The following EPB41L2 variants were observed in gnomAD, a reference collection of about 807,000 sequenced individuals.
The protein encoded by EPB41L2 is erythrocyte membrane protein band 4.1 like 2.
A neutral mutation model predicts 113.0 loss-of-function variants in EPB41L2; 43 were observed. The ratio of observed to expected loss-of-function variants is 0.38; its 90% CI spans 0.30 to 0.49. EPB41L2 has a LOEUF of 0.49. EPB41L2 is among the 20% of genes least tolerant of loss of function. EPB41L2 has a pLI of 0.95. For synonymous variants in EPB41L2, 442 were observed against 436.7 expected (o/e 1.01, Z -0.15); for missense variants, 1,147 against 1,223.4 (o/e 0.94, Z 0.93).
intron 1 of EPB41L2, among the ~76,000 whole-genome samples, chr6:130,982,076 A>G (rs1357629098): frequency 1.3e-5 from 2 of 151,724 alleles, no homozygotes; most frequent in African/African-American, 2.4e-5. Flanking sequence ...ATTTAAACTT[A>G]TATCTGGATA....
At chr6:130,949,375 G>A (rs1329965802) in intron 3 of EPB41L2, among the ~76,000 whole-genome samples, 1 of 152,192 alleles carries the variant, frequency 6.6e-6, no homozygotes, top group African/African-American at 2.4e-5. Context: ...GCCAAGGAGG[G>A]AGAATTGCTT....
chr6:130,979,933 A>G (rs1295929770), intron 1 of EPB41L2, among the ~76,000 whole-genome samples: 1 of 152,234 alleles, frequency 6.6e-6, no homozygotes, highest in Non-Finnish European at 1.5e-5. Context: ...GAAAACAAGC[A>G]GTAGGATAAA....
At chr6:130,978,963 C>T (rs929393682) in intron 1 of EPB41L2, among the ~76,000 whole-genome samples, 2 of 152,118 alleles carry the variant, frequency 1.3e-5, no homozygotes, top group Non-Finnish European at 2.9e-5. Context: ...GACACAGAAT[C>T]ATGAAAGATA....
At chr6:130,861,728 CG>C (rs1391156559) in intron 18 of EPB41L2, among the ~76,000 whole-genome samples, 1 of 151,866 alleles carries the variant, frequency 6.6e-6, no homozygotes, top group African/African-American at 2.4e-5. Flanking sequence ...AAAAACTAGC[CG>C]GGCGTGGTGG....
chr6:131,001,463 C>T (rs970403749), intron 1 of EPB41L2, among the ~76,000 whole-genome samples: 1 of 152,164 alleles, frequency 6.6e-6, no homozygotes, highest in Non-Finnish European at 1.5e-5. Flanking sequence ...ATAAGAAGCG[C>T]AGAGTGCTGC....
At chr6:131,011,558 C>A (rs1786978234) in intron 1 of EPB41L2, among the ~76,000 whole-genome samples, 1 of 152,190 alleles carries the variant, frequency 6.6e-6, no homozygotes, top group African/African-American at 2.4e-5. Context: ...GTACTTCAAA[C>A]TTATGTCTTA....
intron 19 of EPB41L2, among the ~76,000 whole-genome samples, chr6:130,853,627 G>A (rs1429654614): frequency 6.6e-6 from 1 of 152,116 alleles, no homozygotes; most frequent in Non-Finnish European, 1.5e-5. Flanking sequence ...GCCATCCACT[G>A]AGAAAGGTGG....
intron 11 of EPB41L2, among the ~76,000 whole-genome samples, chr6:130,888,880 A>G (rs948601745): frequency 5.3e-5 from 8 of 152,340 alleles, no homozygotes; most frequent in Non-Finnish European, 5.9e-5. Context: ...TCAGGATTTA[A>G]TAACTATATA....
intron 1 of EPB41L2, among the ~76,000 whole-genome samples, chr6:131,043,595 G>A (rs2128186612): frequency 6.6e-6 from 1 of 152,126 alleles, no homozygotes. Flanking sequence ...ATAAAAGAAA[G>A]AAAGGGACAG....
intron 15 of EPB41L2, 94 bp downstream of exon 15, chr6:130,869,469 G>C (rs1294028593): frequency 4.4e-6 from 5 of 1,139,764 alleles, no homozygotes; most frequent in Non-Finnish European, 6.3e-6. Context: ...GTTGAAAAAA[G>C]CTGAAGAACT....
intron 6 of EPB41L2, among the ~76,000 whole-genome samples, chr6:130,903,275 G>A (rs566464156): frequency 2.2e-4 from 33 of 152,050 alleles, no homozygotes; most frequent in Admixed American, 3.9e-4. Flanking sequence ...CATGCCATTC[G>A]GTCAGGTTTT....
chr6:130,999,373 C>A (rs969016986), intron 1 of EPB41L2, among the ~76,000 whole-genome samples: 13 of 152,206 alleles, frequency 8.5e-5, no homozygotes, highest in African/African-American at 3.1e-4. Context: ...AAAAATCCAG[C>A]ATGCCTAAGT....
chr6:130,845,674 C>T (rs1018072800), intron 19 of EPB41L2, among the ~76,000 whole-genome samples: 17 of 152,188 alleles, frequency 1.1e-4, no homozygotes, highest in African/African-American at 3.9e-4. Context: ...AGCCACCAGG[C>T]CTGGCCTGGC....
intron 18 of EPB41L2, among the ~76,000 whole-genome samples, chr6:130,863,305 G>A (rs1782722771): frequency 6.6e-6 from 1 of 152,132 alleles, no homozygotes; most frequent in African/African-American, 2.4e-5. Context: ...TTTGGAAACT[G>A]GTGCATTGAA....
At chr6:130,848,609 A>G (rs1777834783) in intron 19 of EPB41L2, among the ~76,000 whole-genome samples, 1 of 152,218 alleles carries the variant, frequency 6.6e-6, no homozygotes. Flanking sequence ...ATTGGCTACC[A>G]TACTGGACAG....
chr6:130,904,590 CTA>C (rs1797196862), intron 5 of EPB41L2, 50 bp from the exon 6 acceptor site: 2 of 1,252,324 alleles, frequency 1.6e-6, no homozygotes, highest in East Asian at 4.8e-5. Flanking sequence ...AGAAGAATGA[CTA>C]TTGTGATAAA....
intron 12 of EPB41L2, chr6:130,880,540 ACT>A: frequency 1.6e-6 from 1 of 610,366 alleles, no homozygotes. Flanking sequence ...ATTAGTGGAA[ACT>A]CTACCATCAG....
chr6:131,010,322 G>C (rs1368878432), intron 1 of EPB41L2, among the ~76,000 whole-genome samples: 1 of 152,076 alleles, frequency 6.6e-6, no homozygotes, highest in African/African-American at 2.4e-5. Flanking sequence ...TGCTACAAGA[G>C]TGCTGTCATT....
intron 1 of EPB41L2, among the ~76,000 whole-genome samples, chr6:130,976,360 A>T (rs1169749184): frequency 6.6e-6 from 1 of 152,218 alleles, no homozygotes; most frequent in Middle Eastern, 3.2e-3. Flanking sequence ...CTAAACCAGA[A>T]TAATGTATAC....
Sources: gnomAD v4.1 joint callset for allele counts (sites outside exome capture counted in the v4.1 genomes callset) on GRCh38, gnomAD v4.1.1 for gene constraint, MANE v1.5 for transcripts, NCBI Gene and HGNC (gene_info 2026-07-23, HGNC 2026-07-21) for gene names.